The following CACNB2 variants were observed in gnomAD, a reference collection of about 807,000 sequenced individuals.
CACNB2 encodes the protein voltage-dependent L-type calcium channel subunit beta-2.
In CACNB2, 42 loss-of-function variants were observed where a neutral mutation model predicts 73.3. The observed-to-expected ratio is 0.57, with a 90% CI of 0.45 to 0.74. The LOEUF (loss-of-function observed/expected upper bound fraction) is 0.74, where lower values mean the gene tolerates loss of function less well. Ranked by LOEUF, CACNB2 falls within the 30% of genes least tolerant of loss-of-function variation. The probability of loss-of-function intolerance (pLI) is 0.00; values close to 1 mark genes in which losing one functional copy is unlikely to be tolerated. For missense variants in CACNB2, 940 were observed against 853.0 expected, an observed-to-expected ratio of 1.10 and a Z score of -1.27; for synonymous variants, 348 against 310.3, an observed-to-expected ratio of 1.12 and a Z score of -1.28.
At chr10:18,419,217 A>T (rs2045181669) in intron 3 of CACNB2, among the ~76,000 whole-genome samples, 1 of 152,174 alleles carries the variant, frequency 6.6e-6, no homozygotes, top group African/African-American at 2.4e-5. Flanking sequence ...TAATTCTATG[A>T]GTTTAAGTAG....
intron 2 of CACNB2, among the ~76,000 whole-genome samples, chr10:18,306,631 A>G (rs2039739658): frequency 6.6e-6 from 1 of 152,204 alleles, no homozygotes; most frequent in Non-Finnish European, 1.5e-5. Context: ...GACATTCTCC[A>G]GCAATTTGCA....
intron 5 of CACNB2, 149 bp downstream of exon 5, chr10:18,501,097 C>G: frequency 1.2e-6 from 1 of 846,786 alleles, no homozygotes; most frequent in Non-Finnish European, 1.9e-6. Context: ...CTTGCATTTT[C>G]CTGCATTTAA....
chr10:18,182,505 T>C lies in CACNB2; in HGVS notation c.213+31530T>C, dbSNP rs116484693. Reference sequence around the variant, plus strand: ...AGAAAATTTGAAAAAGGAAAAGCATTTCAGGAAGAAGATTAAAAAAAAAAA... The same window carrying C: ...AGAAAATTTGAAAAAGGAAAAGCATCTCAGGAAGAAGATTAAAAAAAAAAA... On this transcript the variant is annotated intron_variant, in intron 2 of 13. Transcript: ENST00000324631. Among the ~76,000 whole-genome samples, 466 of 148,442 alleles carry C rather than the reference T, an allele frequency of 3.1e-3. 2 individuals are homozygous for C. Among genetic ancestry groups the C allele is most frequent in the African/African-American group, 0.011 (453 of 40,014 alleles).
At chr10:18,172,534 G>A (rs903520457) in intron 2 of CACNB2, among the ~76,000 whole-genome samples, 1 of 152,042 alleles carries the variant, frequency 6.6e-6, no homozygotes, top group Non-Finnish European at 1.5e-5. Flanking sequence ...CTGAGAGTAG[G>A]GAAGAAAGAG....
intron 3 of CACNB2, among the ~76,000 whole-genome samples, chr10:18,415,505 A>G (rs2044900054): frequency 6.6e-6 from 1 of 151,934 alleles, no homozygotes. Context: ...AAAAAGCATT[A>G]TGAGCCAAAT....
chr10:18,349,594 A>G (rs1447221155), intron 2 of CACNB2, among the ~76,000 whole-genome samples: 1 of 152,158 alleles, frequency 6.6e-6, no homozygotes. Flanking sequence ...AGACAAATAC[A>G]GAATGACCCC....
At chr10:18,502,720 A>G (rs977090471) in intron 5 of CACNB2, among the ~76,000 whole-genome samples, 2 of 140,426 alleles carry the variant, frequency 1.4e-5, no homozygotes, top group Non-Finnish European at 3.1e-5. Context: ...AAAAAAAAAA[A>G]AAAACCGCAT....
chr10:18,314,429 T>C (rs2040077950), intron 2 of CACNB2, among the ~76,000 whole-genome samples: 1 of 152,198 alleles, frequency 6.6e-6, no homozygotes, highest in African/African-American at 2.4e-5. Flanking sequence ...GAGTTATCAA[T>C]AGAGTATACT....
intron 2 of CACNB2, among the ~76,000 whole-genome samples, chr10:18,164,581 G>A (rs1203583252): frequency 2.0e-5 from 3 of 151,720 alleles, no homozygotes; most frequent in Admixed American, 6.6e-5. Flanking sequence ...CATTGTTTCT[G>A]GCTCTTGCAA....
At chr10:18,258,418 G>A (rs1476273644) in intron 2 of CACNB2, among the ~76,000 whole-genome samples, 2 of 152,078 alleles carry the variant, frequency 1.3e-5, no homozygotes, top group Non-Finnish European at 2.9e-5. Context: ...TGATAGAGGT[G>A]ATGAAGGGGC....
chr10:18,491,652 C>T (rs2049433942), intron 3 of CACNB2, among the ~76,000 whole-genome samples: 1 of 151,922 alleles, frequency 6.6e-6, no homozygotes, highest in Non-Finnish European at 1.5e-5. Flanking sequence ...AGGGCAAGAG[C>T]CCTGAATGGT....
In CACNB2 at chr10:18,336,639, A is replaced by T. The variant is rs575148503; in HGVS notation, c.214-65285A>T. ...CCATCTCAAAAAAAGAAAAAAAAAAAGATGACTTAGGGGATAATCTTTCCT... is the reference window on the plus strand; with the variant it reads ...CCATCTCAAAAAAAGAAAAAAAAAATGATGACTTAGGGGATAATCTTTCCT... On this transcript the variant is annotated intron_variant, in intron 2 of 13. Transcript: ENST00000324631. 2.0e-5 allele frequency among the ~76,000 whole-genome samples: 3 copies of T among 147,612 alleles called. No individual in the cohort carries two copies. In the South Asian group the frequency reaches 6.5e-4, roughly 32 times the overall value.
intron 1 of CACNB2, among the ~76,000 whole-genome samples, chr10:18,142,492 C>G (rs747319063): frequency 7.9e-5 from 12 of 152,082 alleles, no homozygotes; most frequent in Non-Finnish European, 1.3e-4. Flanking sequence ...ACCCGGAGAC[C>G]TCGGTTATTC....
chr10:18,184,075 C>A (rs2034027151), intron 2 of CACNB2, among the ~76,000 whole-genome samples: 1 of 152,210 alleles, frequency 6.6e-6, no homozygotes, highest in Non-Finnish European at 1.5e-5. Flanking sequence ...ACAGAACTTG[C>A]TGCACTGGGG....
chr10:18,319,184 C>T (rs1166664949), intron 2 of CACNB2, among the ~76,000 whole-genome samples: 1 of 152,144 alleles, frequency 6.6e-6, no homozygotes, highest in Non-Finnish European at 1.5e-5. Context: ...ATAGCAAAGA[C>T]TTGGAGCCAA....
chr10:18,418,676 T>TATTTCTGTACCTCACTGCCG (rs1304541104), intron 3 of CACNB2, among the ~76,000 whole-genome samples: 6 of 152,240 alleles, frequency 3.9e-5, no homozygotes, highest in African/African-American at 1.4e-4. Flanking sequence ...CCAGTCCAGC[T>TATTTCTGTACCTCACTGCCG]ATTTCTGTAC....
At chr10:18,222,549 T>G (rs1281107506) in intron 2 of CACNB2, among the ~76,000 whole-genome samples, 4 of 152,206 alleles carry the variant, frequency 2.6e-5, no homozygotes, top group African/African-American at 9.6e-5. Flanking sequence ...TTAGGTTCTA[T>G]TTAAGTAGTA....
intron 2 of CACNB2, among the ~76,000 whole-genome samples, chr10:18,252,901 G>A (rs2037145305): frequency 6.6e-6 from 1 of 152,172 alleles, no homozygotes; most frequent in South Asian, 2.1e-4. Flanking sequence ...GTGGAAAAGT[G>A]CCTGTTGTAT....
intron 2 of CACNB2, among the ~76,000 whole-genome samples, chr10:18,370,592 A>T (rs942275064): frequency 6.6e-6 from 1 of 152,122 alleles, no homozygotes; most frequent in Non-Finnish European, 1.5e-5. Flanking sequence ...GAGCCATTGC[A>T]CCTGGCCAGA....
Sources: allele counts gnomAD v4.1 joint callset (sites outside exome capture counted in the v4.1 genomes callset), GRCh38; gene constraint gnomAD v4.1.1; transcripts MANE v1.5; gene names NCBI Gene and HGNC (gene_info 2026-07-23, HGNC 2026-07-21).